The following EFHD2 variants were observed in gnomAD, a reference collection of about 807,000 sequenced individuals.
EFHD2 encodes the protein EF-hand domain family member D2, also known as EF-hand domain-containing protein D2.
EFHD2 carries 12 observed loss-of-function variants against 20.3 expected under a neutral mutation model. The observed-to-expected ratio is 0.59, with a 90% confidence interval of 0.38 to 0.96. The LOEUF (loss-of-function observed/expected upper bound fraction) is 0.96. Among genes scored for constraint, EFHD2 ranks in the 40% least tolerant of loss-of-function variants. EFHD2 has a pLI of 0.00. For missense variants in EFHD2, 250 were observed against 334.3 expected (o/e 0.75, Z 1.97); for synonymous variants, 131 against 143.9 (o/e 0.91, Z 0.64).
intron 1 of EFHD2, among the ~76,000 whole-genome samples, chr1:15,417,981 CTTTT>C (rs57589251): frequency 0.057 from 5,508 of 97,326 alleles, 480 homozygotes; most frequent in African/African-American, 0.21. Context: ...CTTTCTTTTT[CTTTT>C]TTTTTTTTTT....
In EFHD2 at chr1:15,429,518, C is replaced by G. The variant is rs1707932239; in HGVS notation, c.*794C>G. The G allele has an allele frequency of 6.5e-6, 1 of 152,678 alleles. No homozygotes were observed. The highest frequency in any genetic ancestry group is 6.5e-5 in the Admixed American group (1 of 15,290). The allele number at this position is 152,678 out of a possible 1,614,324, so 9.5% of individuals were successfully genotyped here. A position where few individuals can be genotyped will look rare whatever the true frequency, so the allele number is the denominator to read the frequency against. On this transcript the variant is annotated 3_prime_UTR_variant, in exon 4 of 4. Coordinates refer to ENST00000375980, the MANE Select transcript of EFHD2 (RefSeq NM_024329.6). ...TCGGAGACACCGCTGCTTAGCACCC[C>G]CAGCCAGAACACCCTGAGGGTCTCG...
rs1467234982 is a variant in EFHD2 at position 15,429,138 on chromosome 1, G to C, written c.*414G>C. 1 of 197,246 alleles carries C rather than the reference G, an allele frequency of 5.1e-6. No individual in the cohort carries two copies. Among genetic ancestry groups the C allele is most frequent in the East Asian group, 1.5e-4 (1 of 6,634 alleles). 12.2% of individuals were successfully genotyped at this position (197,246 alleles called of 1,614,324 possible). ...CTGCCCTCCTCCAGCAGGCCGCACC[G>C]CCCCTGGGGCCCCCTGCCAGCCCCT... On this transcript the variant is annotated 3_prime_UTR_variant, in exon 4 of 4. Coordinates refer to ENST00000375980, the MANE Select transcript of EFHD2 (RefSeq NM_024329.6).
In EFHD2 at chr1:15,426,824, A is replaced by G. The variant is rs933680950; in HGVS notation, c.457-326A>G. The stretch of plus-strand genomic sequence containing the variant: ...ACACCTGTAGGACTCAATACATGGA[A>G]CGCAGAGTAGGTTCACTGGGCAACA... On this transcript the variant is annotated intron_variant, in intron 2 of 3. Transcript: ENST00000375980. This position sits in a 1 kb window ranked among gnomAD's most constrained non-coding sequence, Gnocchi z 4.6. Among the ~76,000 whole-genome samples the G allele has an allele frequency of 6.6e-6, 1 of 152,170 alleles. No homozygotes were observed. The highest frequency in any genetic ancestry group is 2.4e-5 in the African/African-American group (1 of 41,432).
At chr1:15,425,639 T>G (rs1707861465) in intron 1 of EFHD2, among the ~76,000 whole-genome samples, 1 of 152,090 alleles carries the variant, frequency 6.6e-6, no homozygotes, top group Admixed American at 6.5e-5. Context: ...TTAGCGCTAT[T>G]CGACATGCAG....
intron 1 of EFHD2, among the ~76,000 whole-genome samples, chr1:15,425,291 G>A (rs1262981630): frequency 2.0e-5 from 3 of 152,082 alleles, no homozygotes; most frequent in Non-Finnish European, 2.9e-5. Context: ...TTGGGAGGCC[G>A]AGGTGGGTGG....
intron 1 of EFHD2, among the ~76,000 whole-genome samples, chr1:15,414,173 A>C (rs1707606197): frequency 6.6e-6 from 1 of 152,242 alleles, no homozygotes; most frequent in Non-Finnish European, 1.5e-5. Flanking sequence ...CGCCTAGCAC[A>C]GCCTTGCAGG....
chr1:15,428,732 T>C lies in EFHD2; in HGVS notation c.*8T>C. 1 of 1,573,438 alleles carries C rather than the reference T, an allele frequency of 6.4e-7. No individual in the cohort carries two copies. The highest frequency in any genetic ancestry group is 8.6e-7 in the Non-Finnish European group (1 of 1,160,534). ...CAGTCCACCTTTAAGTAGCGGGGGCTGCAGCCGACCGCCCTGCTCCGGCCC... is the reference window on the plus strand; with the variant it reads ...CAGTCCACCTTTAAGTAGCGGGGGCCGCAGCCGACCGCCCTGCTCCGGCCC... On this transcript the variant is annotated 3_prime_UTR_variant, in exon 4 of 4. Coordinates refer to ENST00000375980, the MANE Select transcript of EFHD2 (RefSeq NM_024329.6).
chr1:15,421,042 G>T (rs945997973), intron 1 of EFHD2, among the ~76,000 whole-genome samples: 2 of 152,124 alleles, frequency 1.3e-5, no homozygotes, highest in Admixed American at 6.5e-5. Context: ...TGTGGACCAG[G>T]CTCTGTGCCA....
intron 1 of EFHD2, among the ~76,000 whole-genome samples, chr1:15,410,623 G>A (rs79403493): frequency 0.013 from 1,975 of 151,112 alleles, 42 homozygotes; most frequent in African/African-American, 0.035. Context: ...CACCACACGT[G>A]TGGGTCCCGG....
In EFHD2 at chr1:15,428,770, C is replaced by T. The variant is rs1384356906; in HGVS notation, c.*46C>T. 9.7e-6 allele frequency: 15 copies of T among 1,551,692 alleles called. No homozygotes were observed. In the East Asian group the frequency reaches 9.7e-5, roughly 10 times the overall value. ...CCTGCTCCGGCCCCAGTGTGGTGGG[C>T]GAGGGTGGCGCATGGGAGGCCGAGC... On this transcript the variant is annotated 3_prime_UTR_variant, in exon 4 of 4. Transcript: ENST00000375980.
At position 15,427,212 on chromosome 1, in the gene EFHD2, G is replaced by A; in HGVS notation, c.519G>A (p.Val173=). 6.2e-7 allele frequency: 1 copy of A among 1,600,820 alleles called. No individual in the cohort carries two copies. The highest frequency in any genetic ancestry group is 8.5e-7 in the Non-Finnish European group (1 of 1,174,430). The change falls in exon 3 of 4, where the codon GTG becomes GTA. Residue 173 remains valine (V), a synonymous_variant. Transcript: ENST00000375980. ...GELQEDSGLC[V]LARLSEIDVS... ...TTCAGGAGGACAGCGGGCTGTGCGT[G>A]CTGGCCCGCCTCTCTGAGATCGACG...
rs573696819 is a variant in EFHD2 at position 15,427,794 on chromosome 1, C to T, written c.591+510C>T. On this transcript the variant is annotated intron_variant, in intron 3 of 3. Coordinates refer to ENST00000375980, the MANE Select transcript of EFHD2 (RefSeq NM_024329.6). ...TGCCCACCCGGGGCCCCAGCTCTCC[C>T]GCCTTGTTTCTCTCTTTCCTTGCTA... is the stretch of plus-strand genomic sequence containing the variant. 124 of 406,856 alleles carry T rather than the reference C, an allele frequency of 3.0e-4. 1 individual carries two copies. The highest frequency in any genetic ancestry group is 1.9e-3 in the African/African-American group (91 of 48,080). 25.2% of individuals were successfully genotyped at this position (406,856 alleles called of 1,614,324 possible).
Position 15,428,586 on chromosome 1 carries a change from C to T in EFHD2, c.592-7C>T. On this transcript the variant is annotated splice_polypyrimidine_tract_variant and splice_region_variant and intron_variant, in intron 3 of 3. Transcript: ENST00000375980. ...GCCCTGACCCCCTCACCCCCATGCC[C>T]CCGCAGGTCCAGGCCATCAACGTGT... 1 of 1,610,430 alleles carries T rather than the reference C, an allele frequency of 6.2e-7. No individual in the cohort carries two copies. Among genetic ancestry groups the T allele is most frequent in the Non-Finnish European group, 8.5e-7 (1 of 1,178,586 alleles).
In EFHD2 at chr1:15,409,937, G is replaced by A. The variant is rs971762062; in HGVS notation, c.-35G>A. On this transcript the variant is annotated 5_prime_UTR_variant, in exon 1 of 4. Coordinates refer to ENST00000375980, the MANE Select transcript of EFHD2 (RefSeq NM_024329.6). ...GGCCGGCGGCGCTGCGCTGAGAGCA[G>A]GGGCCCGGCCAAGGCGAGTGCCGCG... 3.3e-6 allele frequency: 4 copies of A among 1,218,732 alleles called. No individual in the cohort carries two copies. The highest frequency in any genetic ancestry group is 4.1e-6 in the Non-Finnish European group (4 of 982,108). 75.5% of individuals were successfully genotyped at this position (1,218,732 alleles called of 1,614,324 possible). A position where few individuals can be genotyped will look rare whatever the true frequency, so the allele number is the denominator to read the frequency against.
Position 15,426,168 on chromosome 1 carries a change from G to T in EFHD2, c.456+150G>T, listed in dbSNP as rs1322726321. On this transcript the variant is annotated intron_variant, in intron 2 of 3. Transcript: ENST00000375980. The surrounding 1 kb of genome is among the most constrained non-coding windows in gnomAD (Gnocchi z 4.6). ...GAGCAGCTGCTGCTTGGCTGAGTGA[G>T]GCTTCAGAGGGCCTGTTACAGCAGG... The T allele has an allele frequency of 1.6e-5, 13 of 812,170 alleles. 1 individual carries two copies. Among genetic ancestry groups the T allele is most frequent in the Non-Finnish European group, 2.3e-5 (13 of 557,228 alleles). The allele number at this position is 812,170 out of a possible 1,614,324, so 50.3% of individuals were successfully genotyped here. A position where few individuals can be genotyped will look rare whatever the true frequency, so the allele number is the denominator to read the frequency against.
chr1:15,429,306 G>T lies in EFHD2; in HGVS notation c.*582G>T, dbSNP rs6695620. On this transcript the variant is annotated 3_prime_UTR_variant, in exon 4 of 4. Transcript: ENST00000375980. ...TCTTCCATCTACTGAAATGGGAGAG[G>T]GGGTGGGGAGCTTCTGTTCTGGTGA... 2.6e-5 allele frequency: 4 copies of T among 154,842 alleles called. No individual in the cohort carries two copies. The East Asian group carries it at 7.7e-4, about 30-fold the overall frequency. 9.6% of individuals were successfully genotyped at this position (154,842 alleles called of 1,614,324 possible).
intron 1 of EFHD2, among the ~76,000 whole-genome samples, chr1:15,415,809 C>A (rs1297943445): frequency 6.6e-6 from 1 of 152,026 alleles, no homozygotes; most frequent in African/African-American, 2.4e-5. Flanking sequence ...CATTTTTATC[C>A]CCATTTGACA....
Position 15,429,047 on chromosome 1 carries a change from C to T in EFHD2, c.*323C>T, listed in dbSNP as rs919174555. On this transcript the variant is annotated 3_prime_UTR_variant, in exon 4 of 4. Transcript: ENST00000375980. ...CCAGGCCCAGCTCCTGGCCCTAGGT[C>T]CCTCCCAGCCCCATGTGCCTGCCGC... 21 of 322,364 alleles carry T rather than the reference C, an allele frequency of 6.5e-5. No individual in the cohort carries two copies. The highest frequency in any genetic ancestry group is 2.1e-4 in the Admixed American group (5 of 23,564). The allele number at this position is 322,364 out of a possible 1,614,324, so 20.0% of individuals were successfully genotyped here. A position where few individuals can be genotyped will look rare whatever the true frequency, so the allele number is the denominator to read the frequency against.
chr1:15,425,742 C>A, intron 1 of EFHD2, 129 bp from the exon 2 acceptor site: 1 of 1,342,708 alleles, frequency 7.4e-7, no homozygotes, highest in Admixed American at 2.6e-5. Context: ...GACTGAGGTC[C>A]CTTCCAACAG....
Sources: allele counts gnomAD v4.1 joint callset (sites outside exome capture counted in the v4.1 genomes callset), GRCh38; gene constraint gnomAD v4.1.1; non-coding constraint Gnocchi (gnomAD v3.1); transcripts MANE v1.5; gene names NCBI Gene and HGNC (gene_info 2026-07-23, HGNC 2026-07-21).